The following LTF variants were observed in gnomAD, a reference collection of about 807,000 sequenced individuals.
LTF encodes the protein lactotransferrin.
LTF carries 91 observed loss-of-function variants against 87.2 expected under a neutral mutation model. The ratio of observed to expected loss-of-function variants is 1.04; its 90% CI spans 0.88 to 1.24. The LOEUF is 1.24. Ranked by LOEUF, LTF falls within the 50% of genes most tolerant of loss-of-function variation. The pLI is 0.00. For missense variants in LTF, 901 were observed against 904.3 expected, an observed-to-expected ratio of 1.00 and a Z score of 0.05; for synonymous variants, 378 against 356.1, an observed-to-expected ratio of 1.06 and a Z score of -0.69.
At chr3:46,474,249 A>G (rs946433852) in intron 1 of LTF, among the ~76,000 whole-genome samples, 6 of 152,334 alleles carry the variant, frequency 3.9e-5, no homozygotes, top group African/African-American at 1.4e-4. Context: ...GTAGCATGAA[A>G]GTAAAATGAT....
chr3:46,452,580 TTC>T (rs1190802826), intron 6 of LTF, among the ~76,000 whole-genome samples: 8 of 152,298 alleles, frequency 5.3e-5, no homozygotes, highest in Non-Finnish European at 1.5e-5. Flanking sequence ...CTCTCTCTCA[TTC>T]TCTCTCTCTT....
At chr3:46,470,618 A>C (rs951690472) in intron 1 of LTF, among the ~76,000 whole-genome samples, 9 of 152,218 alleles carry the variant, frequency 5.9e-5, no homozygotes, top group African/African-American at 2.2e-4. Context: ...TCCTCTGACC[A>C]GTCCTCAAGC....
chr3:46,477,831 C>T lies in LTF; in HGVS notation c.-320+7155G>A, dbSNP rs566000636. Among the ~76,000 whole-genome samples, 9 of 152,280 alleles carry T rather than the reference C, an allele frequency of 5.9e-5. No homozygotes were observed. In the South Asian group the frequency reaches 1.7e-3, roughly 28 times the overall value. ...ATGCATTTCTGGTCCCCGTTGTGAG[C>T]CAGAACCTATGCAGAGTCCTGGGAA... On this transcript the variant is annotated intron_variant, in intron 1 of 19. Coordinates refer to the LTF transcript ENST00000443496.
chr3:46,482,521 AAGGGAAGGGAAGGGAAGGGAAGGGAAGGG>A (rs1703446761), intron 1 of LTF, among the ~76,000 whole-genome samples: 1 of 73,902 alleles, frequency 1.4e-5, no homozygotes, highest in Non-Finnish European at 2.6e-5. Context: ...AAGGGAAGGG[AAGGGAAGGGAAGGGAAGGGAAGGGAAGGG>A]AAGGGAAGGG....
At chr3:46,439,217 G>T in intron 15 of LTF, 79 bp downstream of exon 15, 1 of 1,371,972 alleles carries the variant, frequency 7.3e-7, no homozygotes, top group Non-Finnish European at 1.0e-6. Flanking sequence ...GAGTGGGCTG[G>T]TGCACCTAGC....
chr3:46,453,289 A>G (rs1226641126), intron 6 of LTF, among the ~76,000 whole-genome samples: 1 of 152,268 alleles, frequency 6.6e-6, no homozygotes, highest in East Asian at 1.9e-4. Context: ...CATTACAACC[A>G]TCATTCGGAC....
rs1702457633 is a variant in LTF, at chr3:46,439,293, T to C, written c.1908+3A>G. ...AAAGCACTAGAAGCCCTGTGGTCCA[T>C]ACCTGTTGGTGGAGCAACACCTGTT... On this transcript the variant is annotated splice_donor_region_variant and intron_variant, in intron 15 of 16. Transcript: ENST00000231751. 1.9e-6 allele frequency: 3 copies of C among 1,608,484 alleles called. No homozygotes were observed. The highest frequency in any genetic ancestry group is 1.7e-5 in the Admixed American group (1 of 59,290).
rs1293119340 is a variant in LTF, at chr3:46,482,496, AAGGGAAGGGAAGGGAAGGGAAGGGAAGGG to A, written c.-320+2461_-320+2489del. ...AAAGAAAGGAGAAGGAAGGGAAGGG[AAGGGAAGGGAAGGGAAGGGAAGGGAAGGG>A]AAGGGAAGGGAAGGGAAGGGAAGGG... On this transcript the variant is annotated intron_variant, in intron 1 of 19. Transcript: ENST00000443496. 3.0e-3 allele frequency among the ~76,000 whole-genome samples: 15 copies of A among 5,076 alleles called. No homozygotes were observed. In the East Asian group the frequency reaches 0.15, roughly 50 times the overall value. 3.3% of individuals were successfully genotyped at this position (5,076 alleles called of 152,430 possible). A position where few individuals can be genotyped will look rare whatever the true frequency, so the allele number is the denominator to read the frequency against.
chr3:46,464,712 G>T, intron 1 of LTF, 113 bp downstream of exon 1: 4 of 1,163,514 alleles, frequency 3.4e-6, no homozygotes, highest in African/African-American at 1.5e-5. Flanking sequence ...CTGGGACCGC[G>T]GGGCGCAGAG....
At chr3:46,469,455 A>T (rs1323150250), upstream of LTF, 1 of 152,284 alleles carries the variant, frequency 6.6e-6, no homozygotes, top group African/African-American at 2.4e-5. Context: ...ACCTGTTTCC[A>T]GCTGAGTGGA....
In LTF at chr3:46,477,900, C is replaced by T. The variant is rs1422015079; in HGVS notation, c.-320+7086G>A. The stretch of plus-strand genomic sequence containing the variant: ...TCCCCAGGCGGCTCCAGTTGAGTCA[C>T]AATCCAACAGAAGGTGTTAGCAAAG... On this transcript the variant is annotated intron_variant, in intron 1 of 19. Transcript: ENST00000443496. Among the ~76,000 whole-genome samples the T allele has an allele frequency of 2.6e-5, 4 of 152,182 alleles. No individual in the cohort carries two copies. In the East Asian group the frequency reaches 7.7e-4, roughly 29 times the overall value.
chr3:46,455,150 C>T (rs973773203), intron 5 of LTF, 145 bp downstream of exon 5: 17 of 987,742 alleles, frequency 1.7e-5, no homozygotes, highest in African/African-American at 3.2e-5. Flanking sequence ...GGCCTGCACT[C>T]TCTTTGGACA....
At chr3:46,457,415 G>T (rs1339814829) in intron 2 of LTF, among the ~76,000 whole-genome samples, 1 of 152,196 alleles carries the variant, frequency 6.6e-6, no homozygotes, top group Non-Finnish European at 1.5e-5. Flanking sequence ...TTTGTCCTCA[G>T]TGTTTTTCCT....
chr3:46,447,625 A>G (rs1702688263), intron 9 of LTF, among the ~76,000 whole-genome samples: 1 of 152,236 alleles, frequency 6.6e-6, no homozygotes, highest in African/African-American at 2.4e-5. Context: ...GACCAGGCAC[A>G]GGTTGCACTA....
rs1242154880 is a variant in LTF, at chr3:46,435,943, C to T, written c.*252G>A. ...ACTTGGAAGGGAAGGTCCAACTGTA[C>T]AGGTATTTTGTCAGGCATGTGATTT... is the stretch of plus-strand genomic sequence containing the variant. On this transcript the variant is annotated 3_prime_UTR_variant, in exon 17 of 17. Transcript: ENST00000231751. 2 of 534,854 alleles carry T rather than the reference C, an allele frequency of 3.7e-6. No homozygotes were observed. The highest frequency in any genetic ancestry group is 3.8e-5 in the African/African-American group (2 of 52,076). The allele number at this position is 534,854 out of a possible 1,614,324, so 33.1% of individuals were successfully genotyped here.
intron 1 of LTF, chr3:46,463,740 C>T: frequency 1.3e-6 from 1 of 758,632 alleles, no homozygotes. Context: ...GTGGCCCTAA[C>T]CCTGTGCAAC....
chr3:46,437,606 A>G (rs1032301618), intron 16 of LTF, among the ~76,000 whole-genome samples: 1 of 152,146 alleles, frequency 6.6e-6, no homozygotes, highest in Non-Finnish European at 1.5e-5. Flanking sequence ...GACAGGTGTG[A>G]GCCATCACAC....
intron 8 of LTF, 74 bp from the exon 9 acceptor site, chr3:46,449,091 G>A: frequency 7.1e-7 from 1 of 1,414,426 alleles, no homozygotes; most frequent in South Asian, 1.3e-5. Flanking sequence ...CAGAGCCAGG[G>A]TCCTGCCCAG....
At chr3:46,455,611 C>T (rs926351007) in intron 4 of LTF, among the ~76,000 whole-genome samples, 169 bp from the exon 5 acceptor site, 2 of 152,254 alleles carry the variant, frequency 1.3e-5, no homozygotes, top group Non-Finnish European at 2.9e-5. Context: ...CGAGAGCAGA[C>T]TCAGCTGTGC....
Sources: gnomAD v4.1 joint callset for allele counts (sites outside exome capture counted in the v4.1 genomes callset) on GRCh38, gnomAD v4.1.1 for gene constraint, MANE v1.5 for transcripts, NCBI Gene and HGNC (gene_info 2026-07-23, HGNC 2026-07-21) for gene names.